The following TECPR1 variants were observed in gnomAD, a reference collection of about 807,000 sequenced individuals.
TECPR1 encodes the protein tectonin beta-propeller repeat-containing protein 1.
Under a neutral mutation model 162.4 loss-of-function variants are expected in TECPR1, and 122 were observed. The observed-to-expected ratio is 0.75, with a 90% CI of 0.65 to 0.87. The LOEUF (loss-of-function observed/expected upper bound fraction) is 0.87, where lower values mean the gene tolerates loss of function less well. Ranked by LOEUF, TECPR1 falls within the 40% of genes least tolerant of loss-of-function variation. The pLI is 0.00. For missense variants in TECPR1, 1,432 were observed against 1,618.2 expected (o/e 0.88, Z 1.97); for synonymous variants, 642 against 670.6 (o/e 0.96, Z 0.66).
intron 17 of TECPR1, 63 bp from the exon 18 acceptor site, chr7:98,225,165 AC>A: frequency 1.4e-6 from 2 of 1,410,716 alleles, no homozygotes; most frequent in Non-Finnish European, 1.9e-6. Flanking sequence ...TCACTCAGAC[AC>A]CCCCATAACA....
rs1295882673 is a variant in TECPR1 at position 98,231,872 on chromosome 7, A to T, written c.1906T>A (p.Phe636Ile). 6.2e-7 allele frequency: 1 copy of T among 1,612,594 alleles called. No homozygotes were observed. Among genetic ancestry groups the T allele is most frequent in the South Asian group, 1.1e-5 (1 of 91,080 alleles). ...WVDVRLALEQ[F>I]TGHDGVRDSI... ...TCCCGGACGCCGTCGTGCCCCGTGAACTGCTCCAGGGCCAAGCGCACGTCC... is the reference window on the plus strand; with the variant it reads ...TCCCGGACGCCGTCGTGCCCCGTGATCTGCTCCAGGGCCAAGCGCACGTCC... The change falls in exon 13 of 26, where the codon TTC (phenylalanine) becomes ATC (isoleucine). Residue 636 changes from phenylalanine (F) to isoleucine (I), a missense_variant. By Grantham distance (21) the Phe-to-Ile change is conservative. Transcript: ENST00000447648.
rs1257646079 is a variant in TECPR1, at chr7:98,232,971, G to T, written c.1674C>A (p.Gly558=). ...AMPRWFTVQA[G]LSSSVHMLSL... ...ACAGCATGTGTACCGAGGAGGACAG[G>T]CCTGTGGGGCAGAGAGAGCCTCAGG... The change falls in exon 12 of 26, where the codon GGC becomes GGA. Residue 558 remains glycine (G), a splice_region_variant and synonymous_variant. Coordinates refer to ENST00000447648, the MANE Select transcript of TECPR1 (RefSeq NM_015395.3). This position sits in a 1 kb window ranked among gnomAD's most constrained non-coding sequence, Gnocchi z 4.6. 1.9e-6 allele frequency: 3 copies of T among 1,605,174 alleles called. No individual in the cohort carries two copies. Among genetic ancestry groups the T allele is most frequent in the Middle Eastern group, 1.7e-4 (1 of 5,980 alleles).
intron 11 of TECPR1, 39 bp downstream of exon 11, chr7:98,233,382 G>T: frequency 7.1e-7 from 1 of 1,417,958 alleles, no homozygotes; most frequent in Non-Finnish European, 9.2e-7. Context: ...CAGGGCACCT[G>T]GCCATGTGGA....
chr7:98,223,055 G>C lies in TECPR1; in HGVS notation c.2863C>G (p.Leu955Val). 2 of 1,608,258 alleles carry C rather than the reference G, an allele frequency of 1.2e-6. No individual in the cohort carries two copies. The highest frequency in any genetic ancestry group is 2.2e-5 in the East Asian group (1 of 44,652). Reference sequence around the variant, plus strand: ...TCCCCCTTGTCGCTGACGGCCCAGAGGGCGATGCTGTGCCCACTCCCCTCG... The same window carrying C: ...TCCCCCTTGTCGCTGACGGCCCAGACGGCGATGCTGTGCCCACTCCCCTCG... ...GAEGSGHSIA[L>V]WAVSDKGDVL... is the part of the protein sequence containing the mutation. Residue 955 changes from leucine to valine, a missense_variant, in exon 21 of 26, where the codon CTC becomes GTC. Coordinates refer to ENST00000447648, the MANE Select transcript of TECPR1 (RefSeq NM_015395.3).
intron 2 of TECPR1, among the ~76,000 whole-genome samples, chr7:98,249,389 C>T (rs1799004402): frequency 6.6e-6 from 1 of 152,104 alleles, no homozygotes; most frequent in Non-Finnish European, 1.5e-5. Context: ...GAGCAGCTGA[C>T]CCCCTCCATC....
intron 12 of TECPR1, 32 bp from the exon 13 acceptor site, chr7:98,231,991 A>G: frequency 6.4e-7 from 1 of 1,572,282 alleles, no homozygotes; most frequent in African/African-American, 1.3e-5. Context: ...ACACCATCAC[A>G]GGCAGGCCCG....
In TECPR1 at chr7:98,224,996, G is replaced by T. The variant is rs373463840; in HGVS notation, c.2610+10C>A. 21 of 1,544,876 alleles carry T rather than the reference G, an allele frequency of 1.4e-5. No homozygotes were observed. The highest frequency in any genetic ancestry group is 2.1e-5 in the Admixed American group (1 of 48,672). On this transcript the variant is annotated intron_variant, in intron 18 of 25. Coordinates refer to ENST00000447648, the MANE Select transcript of TECPR1 (RefSeq NM_015395.3). ...GATTCCCAACCCCCCAGGGGGCAGCGGGACCTCACCCAGGCCCACTGCAGG... is the reference window on the plus strand; with the variant it reads ...GATTCCCAACCCCCCAGGGGGCAGCTGGACCTCACCCAGGCCCACTGCAGG...
chr7:98,234,660 A>G (rs1397154134), intron 10 of TECPR1, among the ~76,000 whole-genome samples: 4 of 146,798 alleles, frequency 2.7e-5, no homozygotes, highest in African/African-American at 1.0e-4. Context: ...CCAGCAGTGT[A>G]TGAAGTTCCA....
intron 3 of TECPR1, 21 bp from the exon 4 acceptor site, chr7:98,245,088 G>A: frequency 1.3e-6 from 2 of 1,560,728 alleles, no homozygotes; most frequent in Non-Finnish European, 8.7e-7. Context: ...GGGACACAGA[G>A]GCGGCCTTGG....
chr7:98,217,472 T>C lies in TECPR1; in HGVS notation c.3416A>G (p.Asn1139Ser), dbSNP rs1798040972. ...CGAGCTCCGGGGGGCCCTGGTGGCA[T>C]TGGCCCGGACAGAGATATGGTCCCA... ...GGWDHISVRA[N>S]ATRAPRSSSQ... The change falls in exon 26 of 26, where the codon AAT becomes AGT. Residue 1139 changes from asparagine (N) to serine (S), a missense_variant. Transcript: ENST00000447648. 6.2e-7 allele frequency: 1 copy of C among 1,610,008 alleles called. No individual in the cohort carries two copies. Among genetic ancestry groups the C allele is most frequent in the African/African-American group, 1.3e-5 (1 of 74,994 alleles).
intron 23 of TECPR1, among the ~76,000 whole-genome samples, chr7:98,219,953 T>C (rs1002653173): frequency 1.3e-5 from 2 of 151,874 alleles, no homozygotes; most frequent in African/African-American, 4.8e-5. Flanking sequence ...GAAAAAATGC[T>C]CAACACCACT....
Position 98,224,812 on chromosome 7 carries a change from G to A in TECPR1, c.2679C>T (p.Ser893=), listed in dbSNP as rs780917859. Residue 893 remains serine, a synonymous_variant, in exon 19 of 26, where the codon AGC becomes AGT. Transcript: ENST00000447648. ...GTDQEGWQYA[S]DFPASYHGSK... ...AGGGAGAGGCTTACGCAGGGAAGTC[G>A]CTGGCATACTGCCACCCCTCCTGGT... 90 of 1,581,584 alleles carry A rather than the reference G, an allele frequency of 5.7e-5. No homozygotes were observed. The Admixed American group carries it at 1.1e-3, about 19-fold the overall frequency.
Position 98,231,221 on chromosome 7 carries a change from C to T in TECPR1, c.2124+3G>A. ...CGGCCCGAGGGGACCACCGACCACT[C>T]ACCCAGTCATTCATGTCCTGCTCGG... On this transcript the variant is annotated splice_donor_region_variant and intron_variant, in intron 14 of 25. Transcript: ENST00000447648. 6.2e-7 allele frequency: 1 copy of T among 1,612,160 alleles called. No homozygotes were observed. Among genetic ancestry groups the T allele is most frequent in the South Asian group, 1.1e-5 (1 of 91,064 alleles).
At chr7:98,242,511 C>A (rs986013387) in intron 6 of TECPR1, among the ~76,000 whole-genome samples, 1 of 150,818 alleles carries the variant, frequency 6.6e-6, no homozygotes, top group Admixed American at 6.6e-5. Flanking sequence ...TCTATCCATA[C>A]ACCCACTCAC....
chr7:98,220,010 C>T (rs1387365489), intron 23 of TECPR1, among the ~76,000 whole-genome samples: 2 of 151,746 alleles, frequency 1.3e-5, no homozygotes. Context: ...ATATTAATAC[C>T]ACTTTATTTC....
intron 13 of TECPR1, 180 bp from the exon 14 acceptor site, chr7:98,231,553 T>G: frequency 2.7e-6 from 1 of 371,228 alleles, no homozygotes; most frequent in Non-Finnish European, 4.3e-6. Context: ...GCACCCCCAT[T>G]TCTGTACCCC....
intron 11 of TECPR1, chr7:98,233,197 G>A: frequency 3.8e-6 from 3 of 788,094 alleles, no homozygotes; most frequent in Non-Finnish European, 3.8e-6. Context: ...TGCAGACAGG[G>A]GAAGGGGCAC....
Position 98,241,049 on chromosome 7 carries a change from TG to T in TECPR1, c.832+20del. ...TTCTCCCCAGTACAGGGTATGTGGG[TG>T]GGGGAGCCGGGCTGCCCACCTTTGG... On this transcript the variant is annotated intron_variant, in intron 7 of 25. Transcript: ENST00000447648. This position sits in a 1 kb window ranked among gnomAD's most constrained non-coding sequence, Gnocchi z 5.0. 6.3e-7 allele frequency: 1 copy of T among 1,594,608 alleles called. No individual in the cohort carries two copies. Among genetic ancestry groups the T allele is most frequent in the African/African-American group, 1.3e-5 (1 of 74,642 alleles).
Position 98,232,894 on chromosome 7 carries a change from T to C in TECPR1, c.1751A>G (p.Gln584Arg). 6.2e-7 allele frequency: 1 copy of C among 1,612,922 alleles called. No homozygotes were observed. The highest frequency in any genetic ancestry group is 8.5e-7 in the Non-Finnish European group (1 of 1,179,788). The stretch of plus-strand genomic sequence containing the variant: ...CCGCTTGGTCCTTTCCGTGAGCTGC[T>C]GGAAGATCTGCTTCCTCCAGGCAGC... ...QTAAWRKQIF[Q>R]QLTERTKREL... Residue 584 changes from glutamine to arginine, a missense_variant, in exon 12 of 26, where the codon CAG (glutamine) becomes CGG (arginine). Gln to Arg is a conservative substitution (Grantham distance 43, BLOSUM62 1). Coordinates refer to ENST00000447648, the MANE Select transcript of TECPR1 (RefSeq NM_015395.3). This position sits in a 1 kb window ranked among gnomAD's most constrained non-coding sequence, Gnocchi z 4.6.
Sources: allele counts gnomAD v4.1 joint callset (sites outside exome capture counted in the v4.1 genomes callset), GRCh38; gene constraint gnomAD v4.1.1; non-coding constraint Gnocchi (gnomAD v3.1); transcripts MANE v1.5; gene names NCBI Gene and HGNC (gene_info 2026-07-23, HGNC 2026-07-21).